Variants in LRRC7 observed in about 807,000 individuals in gnomAD.
LRRC7 encodes leucine-rich repeat-containing protein 7.
LRRC7 carries 23 observed loss-of-function variants against 175.7 expected under a neutral mutation model. That is an observed-to-expected ratio of 0.13 (90% CI 0.09 to 0.19). The LOEUF (loss-of-function observed/expected upper bound fraction) is 0.19. Among genes scored for constraint, LRRC7 ranks in the 10% least tolerant of loss-of-function variants. The pLI is 1.00. For missense variants in LRRC7, 1,354 were observed against 1,904.7 expected (o/e 0.71, Z 5.38); for synonymous variants, 685 against 680.9 (o/e 1.01, Z -0.09).
chr1:69,771,982 C>A (rs927956716), intron 3 of LRRC7, among the ~76,000 whole-genome samples: 1 of 151,918 alleles, frequency 6.6e-6, no homozygotes. Context: ...ATTAGCCAGG[C>A]ATGATGGCGG....
chr1:69,696,032 GGA>G (rs2100676596), intron 2 of LRRC7, among the ~76,000 whole-genome samples: 1 of 152,322 alleles, frequency 6.6e-6, no homozygotes, highest in African/African-American at 2.4e-5. Context: ...TGGAGCTGCG[GGA>G]ATTGGGCCAC....
intron 2 of LRRC7, among the ~76,000 whole-genome samples, chr1:69,690,589 T>C (rs1661732820): frequency 1.3e-5 from 2 of 152,224 alleles, no homozygotes; most frequent in East Asian, 3.8e-4. Context: ...TCCTTCCTTA[T>C]GAAAGCTTCC....
At chr1:69,916,545 A>T (rs535877663) in intron 7 of LRRC7, among the ~76,000 whole-genome samples, 1 of 151,984 alleles carries the variant, frequency 6.6e-6, no homozygotes, top group Admixed American at 6.6e-5. Flanking sequence ...GTATTCATTA[A>T]AATAGGCCTG....
intron 1 of LRRC7, among the ~76,000 whole-genome samples, chr1:69,599,820 C>T (rs1450234733): frequency 6.6e-6 from 1 of 152,146 alleles, no homozygotes; most frequent in Admixed American, 6.5e-5. Flanking sequence ...CATGGTTGTT[C>T]TAGCTCAAAC....
intron 25 of LRRC7, among the ~76,000 whole-genome samples, chr1:70,097,401 T>C (rs1404293035): frequency 2.6e-5 from 4 of 152,224 alleles, no homozygotes; most frequent in African/African-American, 9.6e-5. Context: ...AATTTTTCAC[T>C]TCAAAAACCT....
intron 7 of LRRC7, among the ~76,000 whole-genome samples, chr1:69,887,839 C>T (rs1236436280): frequency 6.8e-6 from 1 of 147,228 alleles, no homozygotes; most frequent in African/African-American, 2.6e-5. Flanking sequence ...TTCTAACAGA[C>T]AGGACCCTCA....
At chr1:69,744,107 T>C (rs545063148) in intron 2 of LRRC7, among the ~76,000 whole-genome samples, 84 of 151,872 alleles carry the variant, frequency 5.5e-4, no homozygotes, top group African/African-American at 2.0e-3. Flanking sequence ...ATGTTTCCTA[T>C]ACTATGATTG....
At chr1:69,589,313 A>G (rs905447777) in intron 1 of LRRC7, among the ~76,000 whole-genome samples, 4 of 152,132 alleles carry the variant, frequency 2.6e-5, no homozygotes, top group Non-Finnish European at 4.4e-5. Context: ...TACATCCGCC[A>G]GGACTACTAA....
intron 8 of LRRC7, among the ~76,000 whole-genome samples, chr1:69,969,997 A>G (rs1230014204): frequency 6.6e-6 from 1 of 152,204 alleles, no homozygotes. Flanking sequence ...CCATGCAAAT[A>G]CATGGAAATT....
chr1:69,892,803 T>A (rs1166669153), intron 7 of LRRC7, among the ~76,000 whole-genome samples: 4 of 152,200 alleles, frequency 2.6e-5, no homozygotes, highest in African/African-American at 9.6e-5. Context: ...AAGAACACTT[T>A]GATAGAAAGT....
intron 1 of LRRC7, among the ~76,000 whole-genome samples, chr1:69,673,848 A>T (rs1177581855): frequency 6.6e-6 from 1 of 152,124 alleles, no homozygotes; most frequent in Non-Finnish European, 1.5e-5. Context: ...TTTTGGCCCC[A>T]GTTATCTTTT....
intron 7 of LRRC7, among the ~76,000 whole-genome samples, chr1:69,904,880 A>G (rs954045327): frequency 6.6e-6 from 1 of 151,870 alleles, no homozygotes; most frequent in African/African-American, 2.4e-5. Context: ...GTCCATATAT[A>G]CTCAGTATTT....
intron 10 of LRRC7, among the ~76,000 whole-genome samples, chr1:69,987,646 T>TA (rs1654061963): frequency 6.6e-6 from 1 of 152,204 alleles, no homozygotes; most frequent in Admixed American, 6.5e-5. Context: ...CCAGAACATA[T>TA]AACTTTTAAA....
rs1176421798 is a variant in LRRC7, at chr1:70,138,487, G to A, written c.*16600G>A. ...TAAAATGAGGGATATTGGTCCTTTTGTGACTGAGCTATATGATAAACTAAG... is the reference window on the plus strand; with the variant it reads ...TAAAATGAGGGATATTGGTCCTTTTATGACTGAGCTATATGATAAACTAAG... On this transcript the variant is annotated 3_prime_UTR_variant, in exon 27 of 27. Transcript: ENST00000651989. The A allele has an allele frequency of 6.6e-6, 1 of 152,136 alleles. No homozygotes were observed. Among genetic ancestry groups the A allele is most frequent in the Non-Finnish European group, 1.5e-5 (1 of 68,032 alleles). 9.4% of individuals were successfully genotyped at this position (152,136 alleles called of 1,614,324 possible). A position where few individuals can be genotyped will look rare whatever the true frequency, so the allele number is the denominator to read the frequency against.
chr1:69,791,186 G>T (rs1399228098), intron 3 of LRRC7, among the ~76,000 whole-genome samples: 2 of 151,962 alleles, frequency 1.3e-5, no homozygotes, highest in African/African-American at 2.4e-5. Context: ...GTTCATATCT[G>T]GCAGGAGTCA....
chr1:70,060,355 A>G (rs917691736), intron 23 of LRRC7, among the ~76,000 whole-genome samples: 29 of 152,258 alleles, frequency 1.9e-4, no homozygotes, highest in African/African-American at 7.0e-4. Context: ...ATTAAATTAC[A>G]GTCACTGAAA....
intron 4 of LRRC7, among the ~76,000 whole-genome samples, chr1:69,820,621 C>A (rs1679172527): frequency 6.6e-6 from 1 of 152,106 alleles, no homozygotes; most frequent in Non-Finnish European, 1.5e-5. Flanking sequence ...GTTTGGTTTT[C>A]TGTTCCAGTG....
At position 70,143,459 on chromosome 1, in the gene LRRC7, T is replaced by TAGAC. The variant is rs1415617479; in HGVS notation, c.*21574_*21577dup. 1 of 152,182 alleles carries TAGAC rather than the reference T, an allele frequency of 6.6e-6. No homozygotes were observed. The highest frequency in any genetic ancestry group is 1.9e-4 in the East Asian group (1 of 5,198). The allele number at this position is 152,182 out of a possible 1,614,324, so 9.4% of individuals were successfully genotyped here. On this transcript the variant is annotated 3_prime_UTR_variant, in exon 27 of 27. Transcript: ENST00000651989. ...CAATAGTAAACATTGACATTTTACA[T>TAGAC]AGACATATTGTATATTAATGCATGC... is the stretch of plus-strand genomic sequence containing the variant.
chr1:69,646,197 A>G (rs567572294), intron 1 of LRRC7, among the ~76,000 whole-genome samples: 1 of 152,190 alleles, frequency 6.6e-6, no homozygotes, highest in Admixed American at 6.5e-5. Context: ...ATAACTTAAA[A>G]TTGCTATTAA....
Sources: allele counts gnomAD v4.1 joint callset (sites outside exome capture counted in the v4.1 genomes callset), GRCh38; gene constraint gnomAD v4.1.1; transcripts MANE v1.5; gene names NCBI Gene and HGNC (gene_info 2026-07-23, HGNC 2026-07-21).